SLC30A9: variants seen among roughly 807,000 people sequenced by gnomAD.
The protein encoded by SLC30A9 is solute carrier family 30 member 9.
In SLC30A9, 58 loss-of-function variants were observed where a neutral mutation model predicts 87.5. That is an observed-to-expected ratio of 0.66 (90% CI 0.54 to 0.82). SLC30A9 has a LOEUF of 0.82. Ranked by LOEUF, SLC30A9 falls within the 40% of genes least tolerant of loss-of-function variation. The pLI is 0.00. For synonymous variants in SLC30A9, 234 were observed against 233.0 expected (o/e 1.00, Z -0.04); for missense variants, 557 against 679.1 (o/e 0.82, Z 2.00).
At chr4:42,078,108 A>C in intron 16 of SLC30A9, 104 bp from the exon 17 acceptor site, 8 of 582,222 alleles carry the variant, frequency 1.4e-5, no homozygotes, top group Non-Finnish European at 1.8e-5. Context: ...AATGTTCATT[A>C]AACTTAATGG....
chr4:42,061,483 T>A (rs1006902924), intron 10 of SLC30A9, among the ~76,000 whole-genome samples: 1 of 152,242 alleles, frequency 6.6e-6, no homozygotes, highest in East Asian at 1.9e-4. Flanking sequence ...CATGTTACTT[T>A]AGAAGAAAGT....
rs1417970672 is a variant in SLC30A9 at position 42,090,375 on chromosome 4, C to G, written c.*4249C>G. 6.6e-6 allele frequency: 1 copy of G among 152,170 alleles called. No individual in the cohort carries two copies. The highest frequency in any genetic ancestry group is 1.5e-5 in the Non-Finnish European group (1 of 68,020). The allele number at this position is 152,170 out of a possible 1,614,324, so 9.4% of individuals were successfully genotyped here. Reference sequence around the variant, plus strand: ...ATTCGTTATATTGTATTTCATCTGTCTGATTTCCCTGGCACATTAAGATGG... The same window carrying G: ...ATTCGTTATATTGTATTTCATCTGTGTGATTTCCCTGGCACATTAAGATGG... On this transcript the variant is annotated 3_prime_UTR_variant, in exon 18 of 18. Coordinates refer to ENST00000264451, the MANE Select transcript of SLC30A9 (RefSeq NM_006345.4).
chr4:42,065,351 T>C lies in SLC30A9; in HGVS notation c.1072+2T>C. 7.5e-7 allele frequency: 1 copy of C among 1,337,168 alleles called. No individual in the cohort carries two copies. The highest frequency in any genetic ancestry group is 1.1e-6 in the Non-Finnish European group (1 of 931,738). The allele number at this position is 1,337,168 out of a possible 1,614,324, so 82.8% of individuals were successfully genotyped here. A position where few individuals can be genotyped will look rare whatever the true frequency, so the allele number is the denominator to read the frequency against. ...CAGGATCATTAGTATCTGAAGGAGG[T>C]ATGTACTGTCACAAAGTATGTCTCT... On this transcript the variant is annotated splice_donor_variant, in intron 12 of 17. Transcript: ENST00000264451. LOFTEE classifies it high-confidence loss of function.
chr4:42,062,938 A>C (rs1446211583), intron 10 of SLC30A9, 48 bp from the exon 11 acceptor site: 1 of 1,542,926 alleles, frequency 6.5e-7, no homozygotes, highest in Non-Finnish European at 8.9e-7. Context: ...ATATTTTAAA[A>C]GAAACCATTT....
chr4:42,052,842 A>G (rs150813980), intron 9 of SLC30A9, among the ~76,000 whole-genome samples: 189 of 152,374 alleles, frequency 1.2e-3, no homozygotes, highest in African/African-American at 4.4e-3. Context: ...TAAATAGGAC[A>G]CAGAAACAAT....
At chr4:42,017,175 TTAA>T (rs1715756249) in intron 2 of SLC30A9, among the ~76,000 whole-genome samples, 1 of 152,206 alleles carries the variant, frequency 6.6e-6, no homozygotes, top group Non-Finnish European at 1.5e-5. Flanking sequence ...TTGGATTCTA[TTAA>T]TAATGGGGCA....
chr4:42,064,295 A>T (rs1560556876), intron 11 of SLC30A9, among the ~76,000 whole-genome samples: 1 of 152,172 alleles, frequency 6.6e-6, no homozygotes, highest in Admixed American at 6.5e-5. Flanking sequence ...GCAAGGCCTG[A>T]ATAGATGGTA....
chr4:42,030,034 T>A, intron 6 of SLC30A9: 1 of 879,048 alleles, frequency 1.1e-6, no homozygotes, highest in South Asian at 1.4e-5. Flanking sequence ...GAAATTCGCC[T>A]AGTGTAAAGC....
chr4:42,083,845 A>G (rs1159888091), intron 17 of SLC30A9, among the ~76,000 whole-genome samples: 1 of 152,178 alleles, frequency 6.6e-6, no homozygotes, highest in African/African-American at 2.4e-5. Context: ...AAAGTTGGGA[A>G]CAAAAGTGTG....
At chr4:42,022,550 A>G (rs1208768542) in intron 4 of SLC30A9, among the ~76,000 whole-genome samples, 1 of 152,132 alleles carries the variant, frequency 6.6e-6, no homozygotes, top group African/African-American at 2.4e-5. Context: ...TAGAGATGGC[A>G]GTGGTGTGCC....
chr4:41,999,807 A>G (rs2153132736), intron 1 of SLC30A9, among the ~76,000 whole-genome samples: 1 of 152,294 alleles, frequency 6.6e-6, no homozygotes, highest in African/African-American at 2.4e-5. Context: ...CATTTGTAAC[A>G]ACTGGAAATT....
intron 2 of SLC30A9, among the ~76,000 whole-genome samples, chr4:42,010,263 A>C (rs761852660): frequency 6.6e-6 from 1 of 152,162 alleles, no homozygotes; most frequent in Non-Finnish European, 1.5e-5. Flanking sequence ...CCTTGAGGTC[A>C]GGAGTTTGAG....
chr4:42,059,606 GTTA>G (rs1394436071), intron 9 of SLC30A9, among the ~76,000 whole-genome samples: 5 of 152,068 alleles, frequency 3.3e-5, no homozygotes, highest in African/African-American at 4.8e-5. Flanking sequence ...GTTTAAAGTT[GTTA>G]TTATCTTTTA....
chr4:42,049,974 T>C (rs1349891134), intron 9 of SLC30A9, among the ~76,000 whole-genome samples: 1 of 152,272 alleles, frequency 6.6e-6, no homozygotes, highest in African/African-American at 2.4e-5. Flanking sequence ...ATAATAAAAA[T>C]TTCTGTGTGT....
intron 9 of SLC30A9, among the ~76,000 whole-genome samples, chr4:42,050,385 G>C (rs1717336931): frequency 6.6e-6 from 1 of 152,150 alleles, no homozygotes; most frequent in African/African-American, 2.4e-5. Context: ...GATAGGGAGA[G>C]ATATATAACT....
intron 10 of SLC30A9, among the ~76,000 whole-genome samples, chr4:42,062,393 A>G (rs1717893070): frequency 6.6e-6 from 1 of 152,156 alleles, no homozygotes; most frequent in South Asian, 2.1e-4. Flanking sequence ...AAAATAATGT[A>G]CATATTGATG....
chr4:42,072,581 T>A (rs1027364029), intron 15 of SLC30A9, among the ~76,000 whole-genome samples: 1 of 152,162 alleles, frequency 6.6e-6, no homozygotes, highest in Non-Finnish European at 1.5e-5. Flanking sequence ...TATTGATTTA[T>A]TATTTTGTTC....
chr4:42,079,404 C>T (rs990893040), intron 17 of SLC30A9, among the ~76,000 whole-genome samples: 6 of 151,544 alleles, frequency 4.0e-5, no homozygotes, highest in Non-Finnish European at 8.8e-5. Flanking sequence ...AGCAGTTCTC[C>T]TGCCTCTGCC....
rs548388292 is a variant in SLC30A9 at position 42,068,532 on chromosome 4, A to G, written c.1252+1340A>G. Among the ~76,000 whole-genome samples, 8 of 152,346 alleles carry G rather than the reference A, an allele frequency of 5.3e-5. 1 individual carries two copies. In the East Asian group the frequency reaches 1.5e-3, roughly 29 times the overall value. The stretch of plus-strand genomic sequence containing the variant: ...AGTGCTGGGATTACAGGCATGAGCC[A>G]CCACGCCCGGCCGGAACTTAACTCT... On this transcript the variant is annotated intron_variant, in intron 14 of 17. Coordinates refer to ENST00000264451, the MANE Select transcript of SLC30A9 (RefSeq NM_006345.4).
Sources: allele counts gnomAD v4.1 joint callset (sites outside exome capture counted in the v4.1 genomes callset), GRCh38; gene constraint gnomAD v4.1.1; transcripts MANE v1.5; gene names NCBI Gene and HGNC (gene_info 2026-07-23, HGNC 2026-07-21).